The following GPC5 variants were observed in gnomAD, a reference collection of about 807,000 sequenced individuals.
GPC5 encodes the protein glypican-5.
A neutral mutation model predicts 53.9 loss-of-function variants in GPC5; 47 were observed. The ratio of observed to expected loss-of-function variants is 0.87; its 90% CI spans 0.69 to 1.11. The LOEUF is 1.11. GPC5 is among the 50% of genes most tolerant of loss of function. The pLI, the probability that GPC5 is intolerant of heterozygous loss-of-function variation, is 0.00. For synonymous variants in GPC5, 286 were observed against 263.3 expected (o/e 1.09, Z -0.84); for missense variants, 748 against 713.1 (o/e 1.05, Z -0.56).
At chr13:92,254,309 G>A (rs991724788) in intron 7 of GPC5, among the ~76,000 whole-genome samples, 7 of 152,070 alleles carry the variant, frequency 4.6e-5, no homozygotes, top group East Asian at 1.9e-4. Context: ...ATTCACTAAC[G>A]AATACATTAG....
chr13:92,524,731 C>A (rs1881208565), intron 7 of GPC5, among the ~76,000 whole-genome samples: 1 of 152,042 alleles, frequency 6.6e-6, no homozygotes, highest in African/African-American at 2.4e-5. Flanking sequence ...TCACTTGGAG[C>A]TAAAAGTAGT....
At chr13:92,633,676 A>G (rs924508970) in intron 7 of GPC5, among the ~76,000 whole-genome samples, 2 of 152,014 alleles carry the variant, frequency 1.3e-5, no homozygotes, top group African/African-American at 4.8e-5. Context: ...TTCAATCCAA[A>G]TTTATCAATT....
chr13:91,715,789 T>TCC (rs2036324402), intron 3 of GPC5, among the ~76,000 whole-genome samples: 1 of 151,024 alleles, frequency 6.6e-6, no homozygotes, highest in Non-Finnish European at 1.5e-5. Context: ...TCTCTCTCTC[T>TCC]CTCTCTCTCT....
At chr13:92,644,924 A>G (rs1039937159) in intron 7 of GPC5, among the ~76,000 whole-genome samples, 6 of 152,094 alleles carry the variant, frequency 3.9e-5, no homozygotes, top group Admixed American at 3.9e-4. Context: ...AATGAGAACC[A>G]TATAAGGTAA....
intron 7 of GPC5, among the ~76,000 whole-genome samples, chr13:92,404,364 A>G (rs1320539860): frequency 6.6e-6 from 1 of 152,196 alleles, no homozygotes; most frequent in Non-Finnish European, 1.5e-5. Context: ...AAGCACAGAA[A>G]TGCTCAATAA....
At chr13:91,743,958 T>G (rs983789040) in intron 4 of GPC5, among the ~76,000 whole-genome samples, 4 of 152,164 alleles carry the variant, frequency 2.6e-5, no homozygotes, top group African/African-American at 9.6e-5. Context: ...GTTTGATGAC[T>G]TTTGAAGTCA....
intron 7 of GPC5, among the ~76,000 whole-genome samples, chr13:92,296,437 G>C (rs1030405033): frequency 6.6e-6 from 1 of 152,136 alleles, no homozygotes; most frequent in African/African-American, 2.4e-5. Flanking sequence ...CTGCTGCTGT[G>C]GGGGATGGGG....
intron 7 of GPC5, among the ~76,000 whole-genome samples, chr13:92,200,258 A>G (rs1297365610): frequency 6.6e-6 from 1 of 152,220 alleles, no homozygotes; most frequent in African/African-American, 2.4e-5. Context: ...AATCTCAATG[A>G]GTGTTTTATT....
In GPC5 at chr13:91,448,775, G is replaced by C. The variant is rs776573728; in HGVS notation, c.178G>C (p.Val60Leu). Residue 60 changes from valine to leucine, a missense_variant, in exon 2 of 8, where the codon GTT (valine) becomes CTT (leucine). Physicochemically the swap from Val to Leu is conservative, Grantham distance 32. Coordinates refer to ENST00000377067, the MANE Select transcript of GPC5 (RefSeq NM_004466.6). ...GTGTGTTCCAGGACCTGATCTTCAG[G>C]TTTGCATATCCAAAAAGCCTACATG... ...DSPRAGPDLQ[V>L]CISKKPTCCT... The C allele has an allele frequency of 6.2e-7, 1 of 1,612,834 alleles. No homozygotes were observed. The highest frequency in any genetic ancestry group is 1.7e-5 in the Admixed American group (1 of 59,728).
At position 92,005,562 on chromosome 13, in the gene GPC5, G is replaced by A. The variant is rs866650262; in HGVS notation, c.1401+97505G>A. On this transcript the variant is annotated intron_variant, in intron 6 of 7. Transcript: ENST00000377067. Reference sequence around the variant, plus strand: ...CTCTTATCCCTAATTTTATGTATAGGATATATTGCTATTTACAAATATTTG... The same window carrying A: ...CTCTTATCCCTAATTTTATGTATAGAATATATTGCTATTTACAAATATTTG... Among the ~76,000 whole-genome samples the A allele has an allele frequency of 6.6e-5, 10 of 151,998 alleles. No homozygotes were observed. In the South Asian group the frequency reaches 8.3e-4, roughly 13 times the overall value.
chr13:92,053,792 G>A (rs1311572472), intron 6 of GPC5, among the ~76,000 whole-genome samples: 4 of 151,962 alleles, frequency 2.6e-5, no homozygotes, highest in African/African-American at 4.8e-5. Context: ...CACTTTGGGA[G>A]GCCGAGGTGG....
rs184176978 is a variant in GPC5, at chr13:91,859,151, G to T, written c.1281-48786G>T. On this transcript the variant is annotated intron_variant, in intron 5 of 7. Coordinates refer to ENST00000377067, the MANE Select transcript of GPC5 (RefSeq NM_004466.6). ...TTTCATTTCAATTTCATTAATTTCTGCTCTTATCTTCATTCTTTCCTTTCT... is the reference window on the plus strand; with the variant it reads ...TTTCATTTCAATTTCATTAATTTCTTCTCTTATCTTCATTCTTTCCTTTCT... 3.9e-3 allele frequency among the ~76,000 whole-genome samples: 588 copies of T among 149,616 alleles called. 3 individuals carry two copies. Among genetic ancestry groups the T allele is most frequent in the Non-Finnish European group, 5.3e-3 (353 of 67,172 alleles).
intron 6 of GPC5, among the ~76,000 whole-genome samples, chr13:91,978,008 C>A (rs1408194945): frequency 6.6e-6 from 1 of 151,174 alleles, no homozygotes; most frequent in Non-Finnish European, 1.5e-5. Context: ...ATTAAATTAG[C>A]TGGGCATAGT....
At chr13:91,656,705 G>T (rs181262355) in intron 2 of GPC5, among the ~76,000 whole-genome samples, 1 of 152,118 alleles carries the variant, frequency 6.6e-6, no homozygotes. Flanking sequence ...ACCAATCCAC[G>T]ACTGGCCTAA....
In GPC5 at chr13:91,436,086, T is replaced by A. The variant is rs1879920357; in HGVS notation, c.164-12675T>A. 2.0e-5 allele frequency among the ~76,000 whole-genome samples: 3 copies of A among 152,224 alleles called. No individual in the cohort carries two copies. In the South Asian group the frequency reaches 6.2e-4, roughly 31 times the overall value. Reference sequence around the variant, plus strand: ...TTAGATTCTTCTGTCTTTTCTTCTTTATTAGTCTTGCTAGCAGTCTATCAA... The same window carrying A: ...TTAGATTCTTCTGTCTTTTCTTCTTAATTAGTCTTGCTAGCAGTCTATCAA... On this transcript the variant is annotated intron_variant, in intron 1 of 7. Coordinates refer to ENST00000377067, the MANE Select transcript of GPC5 (RefSeq NM_004466.6).
chr13:92,385,409 C>CATATATATACATATAT (rs1566567343), intron 7 of GPC5, among the ~76,000 whole-genome samples: 1 of 68,544 alleles, frequency 1.5e-5, no homozygotes, highest in Non-Finnish European at 2.9e-5. Flanking sequence ...CACATATATA[C>CATATATATACATATAT]ACATATATAT....
intron 7 of GPC5, among the ~76,000 whole-genome samples, chr13:92,562,854 C>G (rs1882741152): frequency 6.6e-6 from 1 of 151,972 alleles, no homozygotes. Flanking sequence ...TTAAAAATAT[C>G]TGGTGATTGC....
intron 4 of GPC5, among the ~76,000 whole-genome samples, chr13:91,752,450 G>A (rs907060267): frequency 1.3e-5 from 2 of 152,084 alleles, no homozygotes; most frequent in South Asian, 2.1e-4. Flanking sequence ...GAATTTTTTT[G>A]TGGTGGTGGC....
intron 5 of GPC5, among the ~76,000 whole-genome samples, chr13:91,905,438 C>T (rs2039543322): frequency 1.3e-5 from 2 of 151,964 alleles, no homozygotes; most frequent in Non-Finnish European, 2.9e-5. Flanking sequence ...TAACTCTAAA[C>T]TCCCTGCATG....
Sources: gnomAD v4.1 joint callset for allele counts (sites outside exome capture counted in the v4.1 genomes callset) on GRCh38, gnomAD v4.1.1 for gene constraint, MANE v1.5 for transcripts, NCBI Gene and HGNC (gene_info 2026-07-23, HGNC 2026-07-21) for gene names.